Variants in CACNA2D3 observed in about 807,000 individuals in gnomAD.
The protein encoded by CACNA2D3 is voltage-dependent calcium channel subunit alpha-2/delta-3.
Under a neutral mutation model 160.6 loss-of-function variants are expected in CACNA2D3, and 60 were observed. The ratio of observed to expected loss-of-function variants is 0.37; its 90% confidence interval spans 0.30 to 0.46. CACNA2D3 has a LOEUF of 0.46. Among genes scored for constraint, CACNA2D3 ranks in the 20% least tolerant of loss-of-function variants. The pLI is 1.00. For synonymous variants in CACNA2D3, 558 were observed against 492.9 expected, an observed-to-expected ratio of 1.13 and a Z score of -1.75; for missense variants, 1,205 against 1,365.0, an observed-to-expected ratio of 0.88 and a Z score of 1.85.
At chr3:54,476,561 A>G (rs1242950518) in intron 4 of CACNA2D3, among the ~76,000 whole-genome samples, 1 of 152,046 alleles carries the variant, frequency 6.6e-6, no homozygotes. Context: ...CCTCCATGCC[A>G]ACACTTGTTA....
chr3:54,388,644 T>G (rs1365257434), intron 4 of CACNA2D3, among the ~76,000 whole-genome samples: 1 of 152,156 alleles, frequency 6.6e-6, no homozygotes, highest in Non-Finnish European at 1.5e-5. Flanking sequence ...ACCTTGGATA[T>G]AGCAAGAAGT....
chr3:54,577,948 T>G (rs1702613341), intron 8 of CACNA2D3, among the ~76,000 whole-genome samples: 1 of 152,316 alleles, frequency 6.6e-6, no homozygotes, highest in South Asian at 2.1e-4. Flanking sequence ...AGTCCCCGTA[T>G]GCTATGTGGC....
intron 4 of CACNA2D3, among the ~76,000 whole-genome samples, chr3:54,424,414 A>C (rs1324911793): frequency 3.9e-5 from 6 of 152,226 alleles, no homozygotes; most frequent in African/African-American, 1.4e-4. Context: ...AAAGGAGGCC[A>C]CAGAATCTGT....
At chr3:54,736,074 CATATATATGTATGTGT>C (rs1701510397) in intron 11 of CACNA2D3, among the ~76,000 whole-genome samples, 5 of 29,506 alleles carry the variant, frequency 1.7e-4, no homozygotes, top group African/African-American at 5.9e-4. Flanking sequence ...TATATATATA[CATATATATGTATGTGT>C]ATATATATAC....
chr3:54,846,085 C>G (rs1488561014), intron 16 of CACNA2D3, among the ~76,000 whole-genome samples: 1 of 151,776 alleles, frequency 6.6e-6, no homozygotes, highest in Non-Finnish European at 1.5e-5. Context: ...AAACATTAGC[C>G]ACTTTCTTGT....
chr3:54,695,704 C>A (rs1700652241), intron 11 of CACNA2D3, among the ~76,000 whole-genome samples: 1 of 152,148 alleles, frequency 6.6e-6, no homozygotes, highest in African/African-American at 2.4e-5. Context: ...TATAGTCATT[C>A]ATATTTTCTT....
chr3:54,758,068 G>A, intron 12 of CACNA2D3, among the ~76,000 whole-genome samples: 1 of 152,296 alleles, frequency 6.6e-6, no homozygotes. Flanking sequence ...TTTATGCCCA[G>A]CCTGTATGTT....
intron 35 of CACNA2D3, among the ~76,000 whole-genome samples, chr3:55,073,113 A>G (rs1295007590): frequency 6.6e-6 from 1 of 152,146 alleles, no homozygotes; most frequent in Non-Finnish European, 1.5e-5. Context: ...GGGAGAAGGA[A>G]ATTAGGCTTT....
At chr3:54,971,543 T>G (rs141777463) in intron 29 of CACNA2D3, among the ~76,000 whole-genome samples, 40 of 152,256 alleles carry the variant, frequency 2.6e-4, no homozygotes, top group African/African-American at 9.4e-4. Context: ...GTTGGCTCAT[T>G]GGTTGGTTGG....
At chr3:54,284,646 G>T (rs1028746624) in intron 2 of CACNA2D3, among the ~76,000 whole-genome samples, 1 of 152,160 alleles carries the variant, frequency 6.6e-6, no homozygotes, top group Non-Finnish European at 1.5e-5. Context: ...TGAGAATAAA[G>T]TGTAAAAAAT....
intron 2 of CACNA2D3, among the ~76,000 whole-genome samples, chr3:54,136,005 C>T (rs1203548538): frequency 6.6e-6 from 1 of 152,236 alleles, no homozygotes; most frequent in Non-Finnish European, 1.5e-5. Flanking sequence ...CCCTGAGCCC[C>T]ATGCCTTGTC....
chr3:54,293,411 C>T (rs1559912106), intron 2 of CACNA2D3, among the ~76,000 whole-genome samples: 1 of 152,142 alleles, frequency 6.6e-6, no homozygotes, highest in East Asian at 1.9e-4. Context: ...CCTTTATGTC[C>T]TCATAGCTTA....
At chr3:54,591,476 G>A (rs958518798) in intron 9 of CACNA2D3, among the ~76,000 whole-genome samples, 5 of 151,988 alleles carry the variant, frequency 3.3e-5, no homozygotes, top group African/African-American at 1.2e-4. Context: ...AACCATGCCA[G>A]TGCCTATGAG....
At chr3:54,417,795 TGGG>T (rs71616810) in intron 4 of CACNA2D3, among the ~76,000 whole-genome samples, 7 of 68,134 alleles carry the variant, frequency 1.0e-4, no homozygotes, top group Admixed American at 8.0e-4. Context: ...TCTGTGTGTG[TGGG>T]GGGGGGGGTG....
intron 6 of CACNA2D3, among the ~76,000 whole-genome samples, chr3:54,569,542 A>G (rs924385604): frequency 2.0e-5 from 3 of 152,212 alleles, no homozygotes; most frequent in African/African-American, 4.8e-5. Flanking sequence ...CTCAATGGAC[A>G]GCACAGTCCT....
chr3:54,429,802 T>C (rs1189985840), intron 4 of CACNA2D3, among the ~76,000 whole-genome samples: 5 of 152,228 alleles, frequency 3.3e-5, no homozygotes, highest in Non-Finnish European at 7.3e-5. Context: ...AGGTAATTTC[T>C]GTTTCATTTT....
intron 2 of CACNA2D3, among the ~76,000 whole-genome samples, chr3:54,163,161 T>G (rs934521685): frequency 1.3e-5 from 2 of 152,192 alleles, no homozygotes; most frequent in Non-Finnish European, 2.9e-5. Context: ...CTATGCAGGT[T>G]GTGGTGATGA....
intron 5 of CACNA2D3, among the ~76,000 whole-genome samples, chr3:54,552,577 G>T (rs1559511003): frequency 6.6e-6 from 1 of 152,126 alleles, no homozygotes. Flanking sequence ...CAAAGCTTTG[G>T]GGATAGATTT....
chr3:54,630,361 C>A (rs1699209211), intron 10 of CACNA2D3, among the ~76,000 whole-genome samples: 1 of 152,172 alleles, frequency 6.6e-6, no homozygotes, highest in African/African-American at 2.4e-5. Context: ...CTCTGTCCAT[C>A]CCTTCCATCT....
Sources: gnomAD v4.1 joint callset for allele counts (sites outside exome capture counted in the v4.1 genomes callset) on GRCh38, gnomAD v4.1.1 for gene constraint, MANE v1.5 for transcripts, NCBI Gene and HGNC (gene_info 2026-07-23, HGNC 2026-07-21) for gene names.